Variants in NALCN observed in about 807,000 individuals in gnomAD.
NALCN encodes sodium leak channel, non-selective.
A neutral mutation model predicts 225.3 loss-of-function variants in NALCN; 111 were observed. The observed-to-expected ratio is 0.49, with a 90% CI of 0.42 to 0.58. The LOEUF is 0.58. NALCN is among the 20% of genes least tolerant of loss of function. NALCN has a pLI of 0.00. For synonymous variants in NALCN, 764 were observed against 769.0 expected, an observed-to-expected ratio of 0.99 and a Z score of 0.11; for missense variants, 1,378 against 2,202.4, an observed-to-expected ratio of 0.63 and a Z score of 7.49.
intron 12 of NALCN, among the ~76,000 whole-genome samples, chr13:101,230,041 TA>T (rs987114893): frequency 7.9e-5 from 12 of 152,250 alleles, no homozygotes; most frequent in African/African-American, 2.9e-4. Flanking sequence ...GTTTCATGCA[TA>T]AAAAAACTAT....
intron 10 of NALCN, among the ~76,000 whole-genome samples, chr13:101,280,882 CT>C (rs11336005): frequency 0.42 from 45,671 of 108,028 alleles, 7,490 homozygotes; most frequent in East Asian, 0.62. Flanking sequence ...CTCTCTCTCT[CT>C]TTTTTTTTTT....
intron 15 of NALCN, among the ~76,000 whole-genome samples, chr13:101,145,710 C>A (rs1367276668): frequency 6.6e-6 from 1 of 152,126 alleles, no homozygotes; most frequent in African/African-American, 2.4e-5. Flanking sequence ...TCCCTCTTTA[C>A]TTCTGTTTAC....
chr13:101,144,861 T>C lies in NALCN; in HGVS notation c.1875A>G (p.Glu625=), dbSNP rs1161387659. ...AGATTCGCAGGCGTAAAGGGAGCTTTTCTTTGGTGTCCGCATTTGCTTCAC... is the reference window on the plus strand; with the variant it reads ...AGATTCGCAGGCGTAAAGGGAGCTTCTCTTTGGTGTCCGCATTTGCTTCAC... ...KQSEANADTK[E]KLPLRLRIFE... The change falls in exon 16 of 44, where the codon GAA becomes GAG. Residue 625 remains glutamate (E), a synonymous_variant. Coordinates refer to ENST00000251127, the MANE Select transcript of NALCN (RefSeq NM_052867.4). 7 of 1,612,542 alleles carry C rather than the reference T, an allele frequency of 4.3e-6. No homozygotes were observed. The highest frequency in any genetic ancestry group is 5.1e-6 in the Non-Finnish European group (6 of 1,179,484).
chr13:101,191,380 C>T (rs1047043056), intron 14 of NALCN, among the ~76,000 whole-genome samples: 4 of 152,126 alleles, frequency 2.6e-5, no homozygotes, highest in Non-Finnish European at 4.4e-5. Flanking sequence ...ATTCAGTTTT[C>T]TTGTGCTTTT....
At chr13:101,219,602 G>T (rs2040861617) in intron 13 of NALCN, among the ~76,000 whole-genome samples, 1 of 152,120 alleles carries the variant, frequency 6.6e-6, no homozygotes, top group South Asian at 2.1e-4. Context: ...ACACTCACAG[G>T]CTGTGCCCCA....
chr13:101,212,019 CA>C (rs1215256541), intron 13 of NALCN, among the ~76,000 whole-genome samples: 1 of 152,084 alleles, frequency 6.6e-6, no homozygotes, highest in Non-Finnish European at 1.5e-5. Flanking sequence ...TAAAAATCTT[CA>C]AAAGCTCCCT....
At chr13:101,317,834 G>A (rs1441595842) in intron 7 of NALCN, among the ~76,000 whole-genome samples, 2 of 152,022 alleles carry the variant, frequency 1.3e-5, no homozygotes, top group African/African-American at 4.8e-5. Context: ...CCACATAAAT[G>A]TTATGTGCAT....
intron 6 of NALCN, among the ~76,000 whole-genome samples, chr13:101,374,531 C>T (rs1006199321): frequency 1.3e-5 from 2 of 152,060 alleles, no homozygotes; most frequent in African/African-American, 4.8e-5. Flanking sequence ...AGGTTATCTA[C>T]CCTCCTCAGC....
At chr13:101,348,654 A>T (rs559831354) in intron 6 of NALCN, among the ~76,000 whole-genome samples, 54 of 151,726 alleles carry the variant, frequency 3.6e-4, no homozygotes, top group African/African-American at 1.2e-3. Flanking sequence ...TTTTCTTCCT[A>T]TTATATTTGC....
chr13:101,117,716 A>G (rs1255594257), intron 18 of NALCN, among the ~76,000 whole-genome samples: 4 of 152,172 alleles, frequency 2.6e-5, no homozygotes, highest in Non-Finnish European at 5.9e-5. Context: ...TCCATGCTGA[A>G]TAATTATTCC....
At chr13:101,182,203 T>C (rs939601094) in intron 14 of NALCN, among the ~76,000 whole-genome samples, 46 of 147,916 alleles carry the variant, frequency 3.1e-4, no homozygotes, top group African/African-American at 9.2e-4. Context: ...AACTGGTATA[T>C]ACTTTTTCCT....
intron 12 of NALCN, among the ~76,000 whole-genome samples, chr13:101,230,793 T>C (rs1056490562): frequency 1.3e-5 from 2 of 152,112 alleles, no homozygotes; most frequent in Non-Finnish European, 2.9e-5. Flanking sequence ...TTTGGATCTT[T>C]GTTATATGTA....
chr13:101,296,309 A>G (rs1249694238), intron 7 of NALCN, among the ~76,000 whole-genome samples: 1 of 152,250 alleles, frequency 6.6e-6, no homozygotes, highest in Non-Finnish European at 1.5e-5. Context: ...CAGACATAGG[A>G]AAGCATTTCT....
At chr13:101,222,674 G>C (rs2040988222) in intron 13 of NALCN, among the ~76,000 whole-genome samples, 1 of 152,126 alleles carries the variant, frequency 6.6e-6, no homozygotes, top group South Asian at 2.1e-4. Flanking sequence ...AGCAGAATTA[G>C]TTGCCCTAAT....
At chr13:101,130,080 T>C (rs777742944) in intron 17 of NALCN, among the ~76,000 whole-genome samples, 7 of 152,178 alleles carry the variant, frequency 4.6e-5, no homozygotes, top group Admixed American at 1.3e-4. Context: ...TAGTATTCCA[T>C]GGTGTATACG....
At chr13:101,088,910 C>T (rs553370278) in intron 30 of NALCN, among the ~76,000 whole-genome samples, 19 of 143,012 alleles carry the variant, frequency 1.3e-4, no homozygotes, top group South Asian at 2.2e-4. Context: ...TCTTTTTTTT[C>T]TTTTTTTTTT....
intron 3 of NALCN, among the ~76,000 whole-genome samples, chr13:101,381,336 G>A (rs983891151): frequency 2.6e-5 from 4 of 152,030 alleles, no homozygotes; most frequent in Non-Finnish European, 4.4e-5. Flanking sequence ...AACAAATAAC[G>A]TAAGGATTTT....
At chr13:101,178,303 T>C (rs1040108103) in intron 14 of NALCN, among the ~76,000 whole-genome samples, 1 of 152,138 alleles carries the variant, frequency 6.6e-6, no homozygotes, top group African/African-American at 2.4e-5. Context: ...TTCTGTGTCC[T>C]AATTTAATCA....
chr13:101,161,287 G>C (rs1340915274), intron 15 of NALCN, among the ~76,000 whole-genome samples: 1 of 152,310 alleles, frequency 6.6e-6, no homozygotes, highest in Non-Finnish European at 1.5e-5. Context: ...AGGCATCTCT[G>C]TTCAGACATC....
Sources: gnomAD v4.1 joint callset for allele counts (sites outside exome capture counted in the v4.1 genomes callset) on GRCh38, gnomAD v4.1.1 for gene constraint, MANE v1.5 for transcripts, NCBI Gene and HGNC (gene_info 2026-07-23, HGNC 2026-07-21) for gene names.